Variants in CLSTN3 observed in about 807,000 individuals in gnomAD.
CLSTN3 encodes the protein calsyntenin 3.
CLSTN3 carries 36 observed loss-of-function variants against 95.9 expected under a neutral mutation model. That is an observed-to-expected ratio of 0.38 (90% CI 0.29 to 0.50). CLSTN3 has a LOEUF of 0.50. Ranked by LOEUF, CLSTN3 falls within the 20% of genes least tolerant of loss-of-function variation. The pLI is 0.95. For synonymous variants in CLSTN3, 481 were observed against 504.0 expected (o/e 0.95, Z 0.61); for missense variants, 1,084 against 1,268.8 (o/e 0.85, Z 2.21).
In CLSTN3 at chr12:7,141,879, A is replaced by G. The variant is rs944718089; in HGVS notation, c.1487-207A>G. Among the ~76,000 whole-genome samples the G allele has an allele frequency of 2.0e-5, 3 of 152,112 alleles. No homozygotes were observed. The highest frequency in any genetic ancestry group is 4.8e-5 in the African/African-American group (2 of 41,410). On this transcript the variant is annotated intron_variant, in intron 9 of 17. Coordinates refer to ENST00000266546, the MANE Select transcript of CLSTN3 (RefSeq NM_014718.4). The surrounding 1 kb of genome is among the most constrained non-coding windows in gnomAD (Gnocchi z 4.1). The stretch of plus-strand genomic sequence containing the variant: ...GCATATCGTATTTGGGGGTTTGTCT[A>G]TAATAGAGGCTGGAGAGGTTGGAAC...
chr12:7,136,037 C>A, intron 5 of CLSTN3, 84 bp downstream of exon 5: 3 of 1,528,312 alleles, frequency 2.0e-6, no homozygotes, highest in South Asian at 1.3e-5. Flanking sequence ...ATCATGGGGG[C>A]CAGGCTAGGG....
At chr12:7,136,096 A>T (rs1939409339) in intron 5 of CLSTN3, 110 bp from the exon 6 acceptor site, 1 of 1,503,478 alleles carries the variant, frequency 6.7e-7, no homozygotes, top group South Asian at 1.3e-5. Flanking sequence ...TAGCCGGGCC[A>T]TCCTGCCAGG....
chr12:7,134,916 C>T (rs911951283), intron 3 of CLSTN3, among the ~76,000 whole-genome samples: 8 of 152,158 alleles, frequency 5.3e-5, no homozygotes, highest in Non-Finnish European at 8.8e-5. Context: ...TTGTCCTCTC[C>T]CTGGCATGAC....
At position 7,157,836 on chromosome 12, in the gene CLSTN3, G is replaced by T; in HGVS notation, c.2731-105G>T. 1 of 1,507,758 alleles carries T rather than the reference G, an allele frequency of 6.6e-7. No homozygotes were observed. The highest frequency in any genetic ancestry group is 1.2e-5 in the South Asian group (1 of 81,310). 93.4% of individuals were successfully genotyped at this position (1,507,758 alleles called of 1,614,324 possible). On this transcript the variant is annotated intron_variant, in intron 17 of 17. Coordinates refer to ENST00000266546, the MANE Select transcript of CLSTN3 (RefSeq NM_014718.4). The surrounding 1 kb of genome is among the most constrained non-coding windows in gnomAD (Gnocchi z 5.9). Reference sequence around the variant, plus strand: ...GGGAGAGAGGTTCAGGCAGGGAAGGGGGTACACAGGGGTTAAGGGGACCGA... The same window carrying T: ...GGGAGAGAGGTTCAGGCAGGGAAGGTGGTACACAGGGGTTAAGGGGACCGA...
At chr12:7,147,076 T>C (rs982699553) in intron 12 of CLSTN3, among the ~76,000 whole-genome samples, 30 of 152,182 alleles carry the variant, frequency 2.0e-4, no homozygotes, top group Admixed American at 1.6e-3. Flanking sequence ...CAGTCCTCTC[T>C]GTAAAATCAT....
rs1188292025 is a variant in CLSTN3 at position 7,133,753 on chromosome 12, C to T, written c.368C>T (p.Thr123Ile). Residue 123 changes from threonine to isoleucine, a missense_variant, in exon 3 of 18, where the codon ACC (threonine) becomes ATC (isoleucine). Physicochemically the swap from Thr to Ile is moderately conservative, Grantham distance 89 (BLOSUM62 -1). Transcript: ENST00000266546. This position sits in a 1 kb window ranked among gnomAD's most constrained non-coding sequence, Gnocchi z 4.7. ...GGCGAGGGCCCCGACGGGGCCAACA[C>T]CAAGAAGTCCCACAAGTGAGGAAGT... ...DCGEGPDGAN[T>I]KKSHKATVHV... is the part of the protein sequence containing the mutation. 8 of 1,576,156 alleles carry T rather than the reference C, an allele frequency of 5.1e-6. No individual in the cohort carries two copies. Among genetic ancestry groups the T allele is most frequent in the South Asian group, 4.7e-5 (4 of 84,482 alleles).
intron 12 of CLSTN3, among the ~76,000 whole-genome samples, chr12:7,148,212 G>GAAAGAAAGAAAT (rs1555169016): frequency 2.7e-5 from 4 of 147,196 alleles, no homozygotes; most frequent in African/African-American, 7.7e-5. Flanking sequence ...AAGAAAGAAA[G>GAAAGAAAGAAAT]AAATGTGGGA....
At chr12:7,152,883 T>C (rs1158283648) in intron 16 of CLSTN3, among the ~76,000 whole-genome samples, 2 of 152,214 alleles carry the variant, frequency 1.3e-5, no homozygotes, top group Non-Finnish European at 2.9e-5. Flanking sequence ...TTCCAGTCTG[T>C]GCACTAACCA....
chr12:7,149,576 A>C lies in CLSTN3; in HGVS notation c.2128A>C (p.Ile710Leu), dbSNP rs145484775. Residue 710 changes from isoleucine to leucine, a missense_variant, in exon 14 of 18, where the codon ATT becomes CTT. Physicochemically the swap from Ile to Leu is conservative, Grantham distance 5. Coordinates refer to ENST00000266546, the MANE Select transcript of CLSTN3 (RefSeq NM_014718.4). This position sits in a 1 kb window ranked among gnomAD's most constrained non-coding sequence, Gnocchi z 4.5. ...EIVHNLDGCEISLVGDDLDPE... is the reference protein window; with the variant it reads ...EIVHNLDGCELSLVGDDLDPE... ...TGTGCACAACCTGGATGGCTGTGAA[A>C]TTTCTCTGGTGGGGGATGACCTGGA... 1.2e-4 allele frequency: 194 copies of C among 1,613,936 alleles called. No individual in the cohort carries two copies. The highest frequency in any genetic ancestry group is 1.3e-4 in the African/African-American group (10 of 74,876).
intron 5 of CLSTN3, 31 bp from the exon 6 acceptor site, chr12:7,136,175 C>A: frequency 6.3e-7 from 1 of 1,598,632 alleles, no homozygotes; most frequent in South Asian, 1.1e-5. Flanking sequence ...CCTTCTCTCT[C>A]CCCATCACCC....
chr12:7,139,409 C>A (rs1449075166), intron 8 of CLSTN3, among the ~76,000 whole-genome samples: 1 of 151,874 alleles, frequency 6.6e-6, no homozygotes, highest in African/African-American at 2.4e-5. Flanking sequence ...TATGCAAAGG[C>A]CCTGAGGCAA....
At chr12:7,136,426 C>G in intron 6 of CLSTN3, 35 bp downstream of exon 6, 1 of 1,536,788 alleles carries the variant, frequency 6.5e-7, no homozygotes, top group Non-Finnish European at 8.8e-7. Flanking sequence ...CAGGCCTATC[C>G]CTTCCCATCC....
chr12:7,134,316 C>T (rs770166173), intron 3 of CLSTN3, among the ~76,000 whole-genome samples: 1 of 152,268 alleles, frequency 6.6e-6, no homozygotes, highest in African/African-American at 2.4e-5. Context: ...GGTGGGCAGG[C>T]GATGGTTGTA....
At position 7,133,132 on chromosome 12, in the gene CLSTN3, C is replaced by T. The variant is rs373200570; in HGVS notation, c.173C>T (p.Pro58Leu). Reference sequence around the variant, plus strand: ...CTCTTTGCCTTGGACAAGGATGCCCCGCTGCGCTATGCAGGTAATTGGGAT... The same window carrying T: ...CTCTTTGCCTTGGACAAGGATGCCCTGCTGCGCTATGCAGGTAATTGGGAT... ...PPLFALDKDA[P>L]LRYAGEICGF... The change falls in exon 2 of 18, where the codon CCG (proline) becomes CTG (leucine). Residue 58 changes from proline (P) to leucine (L), a missense_variant. Physicochemically the swap from Pro to Leu is moderately conservative, Grantham distance 98 (BLOSUM62 -3). Transcript: ENST00000266546. The surrounding 1 kb of genome is among the most constrained non-coding windows in gnomAD (Gnocchi z 4.7). The T allele has an allele frequency of 2.5e-6, 4 of 1,609,034 alleles. No individual in the cohort carries two copies. The highest frequency in any genetic ancestry group is 1.3e-5 in the African/African-American group (1 of 74,720).
chr12:7,152,479 A>G (rs1186019543), intron 16 of CLSTN3, among the ~76,000 whole-genome samples: 1 of 152,170 alleles, frequency 6.6e-6, no homozygotes, highest in Non-Finnish European at 1.5e-5. Context: ...CCCACTCTCA[A>G]AGGCCATAGA....
Position 7,141,963 on chromosome 12 carries a change from C to T in CLSTN3, c.1487-123C>T. On this transcript the variant is annotated intron_variant, in intron 9 of 17. Transcript: ENST00000266546. This position sits in a 1 kb window ranked among gnomAD's most constrained non-coding sequence, Gnocchi z 4.1. Reference sequence around the variant, plus strand: ...GTTGCAAGTTATACATGGGCAGGGTCAGAATCCCATGTGGGCATGAGAGCA... The same window carrying T: ...GTTGCAAGTTATACATGGGCAGGGTTAGAATCCCATGTGGGCATGAGAGCA... 1.4e-6 allele frequency: 1 copy of T among 730,942 alleles called. No individual in the cohort carries two copies. 45.3% of individuals were successfully genotyped at this position (730,942 alleles called of 1,614,324 possible). A position where few individuals can be genotyped will look rare whatever the true frequency, so the allele number is the denominator to read the frequency against.
chr12:7,153,847 C>T (rs762960100), intron 16 of CLSTN3, among the ~76,000 whole-genome samples: 1 of 152,290 alleles, frequency 6.6e-6, no homozygotes, highest in East Asian at 1.9e-4. Context: ...GAGCCCAGCA[C>T]CTTCTCCCCT....
upstream of CLSTN3, chr12:7,129,886 C>T (rs1482134198): frequency 2.9e-5 from 26 of 891,658 alleles, no homozygotes; most frequent in Non-Finnish European, 3.4e-5. The surrounding 1 kb of genome is among the most constrained non-coding windows in gnomAD (Gnocchi z 5.5). Context: ...AGCCTCGATA[C>T]CGCCCTGCGG....
chr12:7,148,864 T>G (rs2135812349), intron 12 of CLSTN3, 108 bp from the exon 13 acceptor site: 1,966 of 876,998 alleles, frequency 2.2e-3, no homozygotes, highest in Non-Finnish European at 3.1e-3. Context: ...CTTCCTGACA[T>G]GAGATGCTCT....
Sources: allele counts gnomAD v4.1 joint callset (sites outside exome capture counted in the v4.1 genomes callset), GRCh38; gene constraint gnomAD v4.1.1; non-coding constraint Gnocchi (gnomAD v3.1); transcripts MANE v1.5; gene names NCBI Gene and HGNC (gene_info 2026-07-23, HGNC 2026-07-21).